SLC66A2: variants seen among roughly 807,000 people sequenced by gnomAD.
SLC66A2 encodes the protein PQ loop repeat containing 1.
SLC66A2 carries 23 observed loss-of-function variants against 25.5 expected under a neutral mutation model. The observed-to-expected ratio is 0.90, with a 90% CI of 0.65 to 1.28. The LOEUF (loss-of-function observed/expected upper bound fraction) is 1.28, where lower values mean the gene tolerates loss of function less well. Ranked by LOEUF, SLC66A2 falls within the 50% of genes most tolerant of loss-of-function variation. The probability of loss-of-function intolerance (pLI) is 0.00; values close to 1 mark genes in which losing one functional copy is unlikely to be tolerated. For synonymous variants in SLC66A2, 193 were observed against 166.5 expected, an observed-to-expected ratio of 1.16 and a Z score of -1.23; for missense variants, 396 against 373.1, an observed-to-expected ratio of 1.06 and a Z score of -0.51.
rs11874805 is a variant in SLC66A2 at position 79,937,110 on chromosome 18, T to C, written c.338-3088A>G. Among the ~76,000 whole-genome samples the C allele has an allele frequency of 0.12, 18,966 of 152,150 alleles. 1,307 individuals are homozygous for C. Among genetic ancestry groups the C allele is most frequent in the Middle Eastern group, 0.17 (51 of 294 alleles). On this transcript the variant is annotated intron_variant, in intron 3 of 5. Transcript: ENST00000397778. This position sits in a 1 kb window ranked among gnomAD's most constrained non-coding sequence, Gnocchi z 5.4. Reference sequence around the variant, plus strand: ...TTTCACCTCACCAAAAAAAACTCCCTAGCTCCATCCACTGAAAAAGCCAAA... The same window carrying C: ...TTTCACCTCACCAAAAAAAACTCCCCAGCTCCATCCACTGAAAAAGCCAAA...
At chr18:79,909,657 T>A (rs1170947336) in intron 5 of SLC66A2, among the ~76,000 whole-genome samples, 16 of 98,434 alleles carry the variant, frequency 1.6e-4, no homozygotes, top group Admixed American at 2.6e-4. Flanking sequence ...CACCATAGAG[T>A]CCCCAACCTT....
rs918981866 is a variant in SLC66A2, at chr18:79,927,077, C to G, written c.391+6892G>C. Among the ~76,000 whole-genome samples the G allele has an allele frequency of 5.7e-4, 87 of 152,394 alleles. No individual in the cohort carries two copies. The highest frequency in any genetic ancestry group is 2.1e-3 in the African/African-American group (86 of 41,596). On this transcript the variant is annotated intron_variant, in intron 4 of 5. Transcript: ENST00000397778. This position sits in a 1 kb window ranked among gnomAD's most constrained non-coding sequence, Gnocchi z 6.2. ...TTCCTTCAAATCCCTGGTCCAGGCTCACCTGACCTCCTGCAAGCTGCCCTT... is the reference window on the plus strand; with the variant it reads ...TTCCTTCAAATCCCTGGTCCAGGCTGACCTGACCTCCTGCAAGCTGCCCTT...
At chr18:79,920,237 C>CG (rs1555704007) in intron 4 of SLC66A2, among the ~76,000 whole-genome samples, 1 of 33,330 alleles carries the variant, frequency 3.0e-5, no homozygotes, top group African/African-American at 1.1e-4. Context: ...TGAGGAGAGA[C>CG]GGAACCGAGG....
rs1981348146 is a variant in SLC66A2 at position 79,902,509 on chromosome 18, T to A, written c.*1467A>T. ...GCCTGCAGTCGGCGACAGTTTAATG[T>A]GAGGCAATTACCGCTACAGACATCT... On this transcript the variant is annotated 3_prime_UTR_variant, in exon 6 of 6. Coordinates refer to ENST00000397778, the MANE Select transcript of SLC66A2 (RefSeq NM_025078.5). 1 of 152,266 alleles carries A rather than the reference T, an allele frequency of 6.6e-6. No homozygotes were observed. Among genetic ancestry groups the A allele is most frequent in the Admixed American group, 6.5e-5 (1 of 15,292 alleles). 9.4% of individuals were successfully genotyped at this position (152,266 alleles called of 1,614,324 possible).
intron 4 of SLC66A2, among the ~76,000 whole-genome samples, chr18:79,926,786 G>A (rs770876384): frequency 3.9e-5 from 6 of 151,994 alleles, no homozygotes; most frequent in East Asian, 1.9e-4. Context: ...GGGTACAGAC[G>A]GTGCAGCTGC....
chr18:79,905,140 G>A (rs1286538890), intron 5 of SLC66A2, among the ~76,000 whole-genome samples: 1 of 152,234 alleles, frequency 6.6e-6, no homozygotes, highest in Non-Finnish European at 1.5e-5. Context: ...ACAGTGCTCG[G>A]CTCTAGAGCA....
chr18:79,916,123 C>T lies in SLC66A2; in HGVS notation c.608+3061G>A, dbSNP rs1438791816. ...ATACCCGCAGTGCTCCCGTACCCTC[C>T]CATACCCACGGTGCTCCCGTACCCG... On this transcript the variant is annotated intron_variant, in intron 5 of 5. Coordinates refer to ENST00000397778, the MANE Select transcript of SLC66A2 (RefSeq NM_025078.5). 1.8e-3 allele frequency among the ~76,000 whole-genome samples: 186 copies of T among 105,402 alleles called. 4 individuals are homozygous for T. Among genetic ancestry groups the T allele is most frequent in the Middle Eastern group, 0.015 (2 of 130 alleles). The allele number at this position is 105,402 out of a possible 152,430, so 69.1% of individuals were successfully genotyped here. A position where few individuals can be genotyped will look rare whatever the true frequency, so the allele number is the denominator to read the frequency against.
In SLC66A2 at chr18:79,933,960, G is replaced by C. The variant is rs763813115; in HGVS notation, c.391+9C>G. The C allele has an allele frequency of 9.5e-5, 153 of 1,610,536 alleles. No homozygotes were observed. Among genetic ancestry groups the C allele is most frequent in the Non-Finnish European group, 1.3e-4 (149 of 1,178,588 alleles). ...CGTGCTGCGGACAGTGCACGCGCAG[G>C]GTACATACCCAGGAAGGACCGCCTG... On this transcript the variant is annotated intron_variant, in intron 4 of 5. Transcript: ENST00000397778.
chr18:79,933,875 C>T (rs1487889040), intron 4 of SLC66A2, 94 bp downstream of exon 4: 4 of 1,106,214 alleles, frequency 3.6e-6, no homozygotes, highest in African/African-American at 3.1e-5. Context: ...GACGCACGCA[C>T]ATGCACAGAT....
chr18:79,949,483 G>C (rs1410947177), intron 2 of SLC66A2: 1 of 152,132 alleles, frequency 6.6e-6, no homozygotes, highest in East Asian at 1.9e-4. Context: ...GGTCAACATG[G>C]TGAAACCTGG....
rs1987681217 is a variant in SLC66A2, at chr18:79,941,673, C to A, written c.337+1656G>T. ...GAATGCAGGTGGGGAGCTTACGATG[C>A]CGCTTCTAGGGGTATCCCAGTGTTC... is the stretch of plus-strand genomic sequence containing the variant. On this transcript the variant is annotated intron_variant, in intron 3 of 5. Transcript: ENST00000397778. This position sits in a 1 kb window ranked among gnomAD's most constrained non-coding sequence, Gnocchi z 4.1. The A allele has an allele frequency of 1.3e-5, 2 of 152,202 alleles. No homozygotes were observed. The highest frequency in any genetic ancestry group is 2.9e-5 in the Non-Finnish European group (2 of 68,048). The allele number at this position is 152,202 out of a possible 1,614,324, so 9.4% of individuals were successfully genotyped here.
chr18:79,908,916 T>C (rs9954235), intron 5 of SLC66A2, among the ~76,000 whole-genome samples: 142,059 of 152,320 alleles, frequency 0.93, 67,075 homozygotes, highest in East Asian at 1. Context: ...TGCTCTTACC[T>C]GTTAGAGCAC....
intron 4 of SLC66A2, among the ~76,000 whole-genome samples, chr18:79,929,136 T>C (rs1405974466): frequency 1.3e-5 from 2 of 152,114 alleles, no homozygotes; most frequent in Non-Finnish European, 2.9e-5. Flanking sequence ...AGCTCCATGA[T>C]GAGCTCAAAG....
Position 79,911,347 on chromosome 18 carries a change from G to A in SLC66A2, c.609-7164C>T, listed in dbSNP as rs377470680. Among the ~76,000 whole-genome samples the A allele has an allele frequency of 7.3e-4, 111 of 152,338 alleles. 1 individual carries two copies. The East Asian group carries it at 7.9e-3, about 11-fold the overall frequency. On this transcript the variant is annotated intron_variant, in intron 5 of 5. Transcript: ENST00000397778. Reference sequence around the variant, plus strand: ...GAGGCAGGCGGCTGGCCCACGCCCCGTGAGGATTCCGCAGTGGCAGAGCTC... The same window carrying A: ...GAGGCAGGCGGCTGGCCCACGCCCCATGAGGATTCCGCAGTGGCAGAGCTC...
At position 79,902,565 on chromosome 18, in the gene SLC66A2, A is replaced by C. The variant is rs758944784; in HGVS notation, c.*1411T>G. 2 of 152,424 alleles carry C rather than the reference A, an allele frequency of 1.3e-5. No homozygotes were observed. Among genetic ancestry groups the C allele is most frequent in the Middle Eastern group, 3.4e-3 (1 of 294 alleles). The allele number at this position is 152,424 out of a possible 1,614,324, so 9.4% of individuals were successfully genotyped here. A position where few individuals can be genotyped will look rare whatever the true frequency, so the allele number is the denominator to read the frequency against. ...CATCTTAAAAAAATAAAAATTTTCA[A>C]AGCATCTCACAGGCCAAAGAGCTAA... On this transcript the variant is annotated 3_prime_UTR_variant, in exon 6 of 6. Coordinates refer to ENST00000397778, the MANE Select transcript of SLC66A2 (RefSeq NM_025078.5).
At chr18:79,911,211 T>C (rs1309489363) in intron 5 of SLC66A2, among the ~76,000 whole-genome samples, 1 of 152,170 alleles carries the variant, frequency 6.6e-6, no homozygotes, top group African/African-American at 2.4e-5. Flanking sequence ...GAGCCCACCC[T>C]AGGAGGGGGC....
At position 79,907,524 on chromosome 18, in the gene SLC66A2, T is replaced by G. The variant is rs572253970; in HGVS notation, c.609-3341A>C. Among the ~76,000 whole-genome samples, 9 of 152,142 alleles carry G rather than the reference T, an allele frequency of 5.9e-5. No individual in the cohort carries two copies. The East Asian group carries it at 1.7e-3, about 29-fold the overall frequency. On this transcript the variant is annotated intron_variant, in intron 5 of 5. Coordinates refer to ENST00000397778, the MANE Select transcript of SLC66A2 (RefSeq NM_025078.5). ...CCGCCACCACACTCCGCTAATGTTT[T>G]GTATTTTAGTAGAGATGGGTTTCAC...
chr18:79,950,647 CCCGGCCTCAACCAGAAA>C, intron 2 of SLC66A2, 60 bp downstream of exon 2: 1 of 1,475,118 alleles, frequency 6.8e-7, no homozygotes, highest in African/African-American at 1.4e-5. Flanking sequence ...CTGCTGCTCC[CCCGGCCTCAACCAGAAA>C]CCCCAAAGGA....
chr18:79,932,261 T>G (rs1014922928), intron 4 of SLC66A2, among the ~76,000 whole-genome samples: 4 of 151,964 alleles, frequency 2.6e-5, no homozygotes, highest in South Asian at 2.1e-4. Flanking sequence ...AGAGAGAAAT[T>G]ATGGCTGTCA....
Sources: allele counts gnomAD v4.1 joint callset (sites outside exome capture counted in the v4.1 genomes callset), GRCh38; gene constraint gnomAD v4.1.1; non-coding constraint Gnocchi (gnomAD v3.1); transcripts MANE v1.5; gene names NCBI Gene and HGNC (gene_info 2026-07-23, HGNC 2026-07-21).